Variants in STMP1 observed in about 807,000 individuals in gnomAD.
The protein encoded by STMP1 is short transmembrane mitochondrial protein 1, also known as mitolamban.
STMP1 carries 7 observed loss-of-function variants against 7.0 expected under a neutral mutation model. That is an observed-to-expected ratio of 1.01 (90% CI 0.57 to 1.89). STMP1 has a LOEUF of 1.89. Among genes scored for constraint, STMP1 ranks in the 40% most tolerant of loss-of-function variants. The probability of loss-of-function intolerance (pLI) is 0.00; values close to 1 mark genes in which losing one functional copy is unlikely to be tolerated. For missense variants in STMP1, 45 were observed against 53.0 expected, an observed-to-expected ratio of 0.85 and a Z score of 0.47; for synonymous variants, 19 against 18.4, an observed-to-expected ratio of 1.03 and a Z score of -0.08.
chr7:135,672,829 T>C (rs1795371085), intron 2 of STMP1, 23 bp downstream of exon 2: 1 of 1,540,064 alleles, frequency 6.5e-7, no homozygotes, highest in Admixed American at 2.0e-5. Flanking sequence ...ATCCATGACT[T>C]CCTTGATTCC....
At chr7:135,672,945 G>A in intron 2 of STMP1, 139 bp downstream of exon 2, 1 of 685,860 alleles carries the variant, frequency 1.5e-6, no homozygotes, top group Admixed American at 2.8e-5. Context: ...TTGTAGAATG[G>A]TTTGCCATTG....
intron 1 of STMP1, among the ~76,000 whole-genome samples, chr7:135,670,375 A>G (rs1795345101): frequency 6.6e-6 from 1 of 152,180 alleles, no homozygotes; most frequent in Non-Finnish European, 1.5e-5. Flanking sequence ...TTGGCCTGGA[A>G]GAAGTTAGGC....
At chr7:135,673,948 G>A (rs1795382880) in intron 2 of STMP1, 143 bp from the exon 3 acceptor site, 2 of 635,376 alleles carry the variant, frequency 3.1e-6, no homozygotes, top group African/African-American at 1.9e-5. Context: ...AAAAAAGAAA[G>A]CAAAAAGAAA....
intron 2 of STMP1, among the ~76,000 whole-genome samples, chr7:135,673,704 C>T (rs1283280358): frequency 6.6e-6 from 1 of 152,092 alleles, no homozygotes; most frequent in Admixed American, 6.5e-5. Context: ...TTTGGGAGGC[C>T]GAGGTGGGCA....
chr7:135,666,132 C>T (rs1795289096), intron 1 of STMP1, among the ~76,000 whole-genome samples: 2 of 151,936 alleles, frequency 1.3e-5, no homozygotes, highest in East Asian at 1.9e-4. Flanking sequence ...GGGGTTTCAC[C>T]ACGTTGGCCA....
chr7:135,674,037 A>C, intron 2 of STMP1, 54 bp from the exon 3 acceptor site: 1 of 1,123,696 alleles, frequency 8.9e-7, no homozygotes, highest in Non-Finnish European at 1.3e-6. Context: ...AGAGAAGTAC[A>C]AGAATATTGA....
chr7:135,664,240 C>T (rs1228780536), intron 1 of STMP1, among the ~76,000 whole-genome samples: 1 of 151,890 alleles, frequency 6.6e-6, no homozygotes, highest in African/African-American at 2.4e-5. Flanking sequence ...ATATCTGTTG[C>T]TCATTGATAA....
At position 135,674,999 on chromosome 7, in the gene STMP1, T is replaced by G. The variant is rs1054526989; in HGVS notation, c.*834T>G. On this transcript the variant is annotated 3_prime_UTR_variant, in exon 3 of 3. Transcript: ENST00000507606. ...ATATTATTACTTTGTAGTGATTGTC[T>G]TAAGAAAAAATATAGCCCAAATGTA... The G allele has an allele frequency of 2.6e-5, 4 of 152,200 alleles. No individual in the cohort carries two copies. Among genetic ancestry groups the G allele is most frequent in the African/African-American group, 7.2e-5 (3 of 41,454 alleles). The allele number at this position is 152,200 out of a possible 1,614,324, so 9.4% of individuals were successfully genotyped here.
At chr7:135,663,863 C>T (rs1795263485) in intron 1 of STMP1, among the ~76,000 whole-genome samples, 1 of 152,186 alleles carries the variant, frequency 6.6e-6, no homozygotes, top group South Asian at 2.1e-4. Context: ...CCGGGATGGT[C>T]TCGATCTCCT....
intron 1 of STMP1, among the ~76,000 whole-genome samples, chr7:135,668,431 C>T (rs1795318565): frequency 6.6e-6 from 1 of 152,090 alleles, no homozygotes; most frequent in African/African-American, 2.4e-5. Flanking sequence ...GGAAACTCCC[C>T]TGCCTCTGAT....
intron 1 of STMP1, among the ~76,000 whole-genome samples, chr7:135,670,294 A>G (rs775561587): frequency 6.6e-6 from 1 of 152,148 alleles, no homozygotes; most frequent in Non-Finnish European, 1.5e-5. Flanking sequence ...AGGGGTGACC[A>G]TGTGATATGG....
intron 1 of STMP1, among the ~76,000 whole-genome samples, chr7:135,667,199 A>G (rs773328529): frequency 1.3e-5 from 2 of 151,846 alleles, no homozygotes; most frequent in Non-Finnish European, 2.9e-5. Context: ...GTCCATTTTT[A>G]TTTTTGTTTT....
rs1010766852 is a variant in STMP1 at position 135,676,176 on chromosome 7, A to G, written c.*2011A>G. The G allele has an allele frequency of 1.3e-5, 2 of 152,156 alleles. No individual in the cohort carries two copies. Among genetic ancestry groups the G allele is most frequent in the African/African-American group, 4.8e-5 (2 of 41,446 alleles). The allele number at this position is 152,156 out of a possible 1,614,324, so 9.4% of individuals were successfully genotyped here. ...TGATCTGCCCACTTCAGCCTCCCAA[A>G]GTGTTGGGATTACAGGCGTGAGCCA... On this transcript the variant is annotated 3_prime_UTR_variant, in exon 3 of 3. Transcript: ENST00000507606.
chr7:135,673,649 C>A (rs1451199215), intron 2 of STMP1, among the ~76,000 whole-genome samples: 1 of 152,104 alleles, frequency 6.6e-6, no homozygotes, highest in Non-Finnish European at 1.5e-5. Flanking sequence ...CTAAGAAATA[C>A]CACTATTGGC....
chr7:135,672,874 A>T (rs542855304), intron 2 of STMP1, 68 bp downstream of exon 2: 1 of 1,318,822 alleles, frequency 7.6e-7, no homozygotes, highest in East Asian at 2.5e-5. Context: ...TCTTTGTTTG[A>T]GGTAAGGTGT....
chr7:135,665,488 A>G (rs577247827), intron 1 of STMP1: 1 of 151,774 alleles, frequency 6.6e-6, no homozygotes, highest in Non-Finnish European at 1.5e-5. Context: ...GGGTCTCACT[A>G]TATTGCCCAG....
In STMP1 at chr7:135,672,653, C is replaced by A. The variant is rs1276450737; in HGVS notation, c.16-100C>A. The A allele has an allele frequency of 3.3e-6, 3 of 897,504 alleles. No homozygotes were observed. The Admixed American group carries it at 6.2e-5, about 19-fold the overall frequency. 55.6% of individuals were successfully genotyped at this position (897,504 alleles called of 1,614,324 possible). A position where few individuals can be genotyped will look rare whatever the true frequency, so the allele number is the denominator to read the frequency against. ...TGGACATCAAGGTCTTCTAACTGTC[C>A]TAAGCTTCTTAGGAAGATATTGTCT... On this transcript the variant is annotated intron_variant, in intron 1 of 2. Coordinates refer to ENST00000507606, the MANE Select transcript of STMP1 (RefSeq NM_001130929.2).
intron 1 of STMP1, among the ~76,000 whole-genome samples, chr7:135,663,315 A>C (rs1795255420): frequency 6.6e-6 from 1 of 152,160 alleles, no homozygotes; most frequent in South Asian, 2.1e-4. Context: ...TTGTGCATTC[A>C]AAACTTGATG....
chr7:135,674,262 C>T lies in STMP1; in HGVS notation c.*97C>T, dbSNP rs1795387097. ...CAAAAGCTTTTGTTTTCGTCTCCAG[C>T]CTCAGCACTTCTCTTCTTTGCTAGA... On this transcript the variant is annotated 3_prime_UTR_variant, in exon 3 of 3. Coordinates refer to ENST00000507606, the MANE Select transcript of STMP1 (RefSeq NM_001130929.2). The T allele has an allele frequency of 8.4e-6, 8 of 953,150 alleles. No homozygotes were observed. The highest frequency in any genetic ancestry group is 7.8e-6 in the Non-Finnish European group (5 of 642,364). 59.0% of individuals were successfully genotyped at this position (953,150 alleles called of 1,614,324 possible). A position where few individuals can be genotyped will look rare whatever the true frequency, so the allele number is the denominator to read the frequency against.
Sources: gnomAD v4.1 joint callset for allele counts (sites outside exome capture counted in the v4.1 genomes callset) on GRCh38, gnomAD v4.1.1 for gene constraint, MANE v1.5 for transcripts, NCBI Gene and HGNC (gene_info 2026-07-23, HGNC 2026-07-21) for gene names.